MAP2K5: variants seen among roughly 807,000 people sequenced by gnomAD.
MAP2K5 encodes dual specificity mitogen-activated protein kinase kinase 5.
MAP2K5 carries 49 observed loss-of-function variants against 83.1 expected under a neutral mutation model. The ratio of observed to expected loss-of-function variants is 0.59; its 90% CI spans 0.47 to 0.75. The LOEUF (loss-of-function observed/expected upper bound fraction) is 0.75. Among genes scored for constraint, MAP2K5 ranks in the 30% least tolerant of loss-of-function variants. The pLI, the probability that MAP2K5 is intolerant of heterozygous loss-of-function variation, is 0.00. For missense variants in MAP2K5, 457 were observed against 557.5 expected (o/e 0.82, Z 1.82); for synonymous variants, 202 against 191.8 (o/e 1.05, Z -0.44).
At chr15:67,796,771 ATAG>A (rs2090612227) in intron 21 of MAP2K5, among the ~76,000 whole-genome samples, 1 of 152,248 alleles carries the variant, frequency 6.6e-6, no homozygotes, top group Non-Finnish European at 1.5e-5. Context: ...TAAAAAACAA[ATAG>A]TAGCTTAAAC....
chr15:67,672,164 T>C (rs1406881964), intron 13 of MAP2K5, among the ~76,000 whole-genome samples: 1 of 149,148 alleles, frequency 6.7e-6, no homozygotes, highest in East Asian at 2.0e-4. Flanking sequence ...TTATAGTCCT[T>C]TGGGTATATA....
In MAP2K5 at chr15:67,676,725, A is replaced by G. The variant is rs991357521; in HGVS notation, c.847+12080A>G. On this transcript the variant is annotated intron_variant, in intron 13 of 21. Transcript: ENST00000178640. The surrounding 1 kb of genome is among the most constrained non-coding windows in gnomAD (Gnocchi z 4.8). ...TGTTATAATAACCTTGTGAGGAGGT[A>G]TCATTGTATCTCCATTCTTAGGTGA... Among the ~76,000 whole-genome samples, 28 of 152,326 alleles carry G rather than the reference A, an allele frequency of 1.8e-4. No homozygotes were observed. The Middle Eastern group carries it at 0.014, about 74-fold the overall frequency.
At chr15:67,568,316 C>G (rs940703776) in intron 3 of MAP2K5, among the ~76,000 whole-genome samples, 7 of 152,294 alleles carry the variant, frequency 4.6e-5, no homozygotes, top group Middle Eastern at 3.4e-3. Flanking sequence ...GGGAAAAATA[C>G]TTTTTGACCT....
At chr15:67,544,447 C>G (rs1454489176) in intron 1 of MAP2K5, among the ~76,000 whole-genome samples, 1 of 152,154 alleles carries the variant, frequency 6.6e-6, no homozygotes, top group Non-Finnish European at 1.5e-5. Context: ...TTCTTTTTTG[C>G]AGATAGTTAC....
rs1012965905 is a variant in MAP2K5 at position 67,562,937 on chromosome 15, A to C, written c.185-346A>C. 6.6e-6 allele frequency among the ~76,000 whole-genome samples: 1 copy of C among 152,118 alleles called. No homozygotes were observed. Among genetic ancestry groups the C allele is most frequent in the Middle Eastern group, 3.2e-3 (1 of 316 alleles). Reference sequence around the variant, plus strand: ...GGGTATGGTGCTGTTTGGGAGATTTAAAAAGTGTGGATAGTAGAACAAGAC... The same window carrying C: ...GGGTATGGTGCTGTTTGGGAGATTTCAAAAGTGTGGATAGTAGAACAAGAC... On this transcript the variant is annotated intron_variant, in intron 2 of 21. Transcript: ENST00000178640. This position sits in a 1 kb window ranked among gnomAD's most constrained non-coding sequence, Gnocchi z 4.1.
rs748314208 is a variant in MAP2K5 at position 67,727,932 on chromosome 15, TTC to T, written c.1062_1063del (p.Pro355IlefsTer22). 15 of 1,612,406 alleles carry T rather than the reference TTC, an allele frequency of 9.3e-6. No individual in the cohort carries two copies. Among genetic ancestry groups the T allele is most frequent in the Non-Finnish European group, 1.2e-5 (14 of 1,178,546 alleles). The stretch of plus-strand genomic sequence containing the variant: ...CTTTCCCAGCTTGCTCTTGGGAGGT[TTC>T]CATATCCTCAGGTAAGATTGTTCAT... On this transcript the variant is annotated frameshift_variant, in exon 17 of 22. Transcript: ENST00000178640. LOFTEE classifies it high-confidence loss of function.
intron 8 of MAP2K5, chr15:67,629,150 C>A: frequency 1.4e-6 from 1 of 716,688 alleles, no homozygotes; most frequent in Non-Finnish European, 2.6e-6. Flanking sequence ...TGCCAGGAAA[C>A]AAAGCGTAGC....
At chr15:67,805,267 TG>T (rs1440132134) in intron 21 of MAP2K5, among the ~76,000 whole-genome samples, 2 of 152,138 alleles carry the variant, frequency 1.3e-5, no homozygotes, top group African/African-American at 2.4e-5. Flanking sequence ...ATGAGAAGGT[TG>T]GGGGCGGGCA....
chr15:67,658,517 T>G, intron 11 of MAP2K5, 36 bp from the exon 12 acceptor site: 1 of 1,538,898 alleles, frequency 6.5e-7, no homozygotes, highest in Non-Finnish European at 9.0e-7. Context: ...TTCTGGTAAT[T>G]TCATTTGTAG....
At chr15:67,696,587 G>A (rs977772097) in intron 15 of MAP2K5, among the ~76,000 whole-genome samples, 1 of 152,160 alleles carries the variant, frequency 6.6e-6, no homozygotes, top group Admixed American at 6.5e-5. Flanking sequence ...ACTCTATAAT[G>A]TAGATAAGAC....
chr15:67,766,318 A>C (rs773339524), intron 19 of MAP2K5, among the ~76,000 whole-genome samples: 8 of 152,360 alleles, frequency 5.3e-5, no homozygotes, highest in Admixed American at 1.3e-4. Context: ...ACGGAAAAGC[A>C]TCTGGAAGAA....
intron 8 of MAP2K5, among the ~76,000 whole-genome samples, chr15:67,605,622 T>C (rs2085762395): frequency 1.3e-5 from 2 of 152,180 alleles, no homozygotes; most frequent in South Asian, 4.1e-4. Context: ...GGGCTTATCA[T>C]GTGGCCATTC....
rs960486433 is a variant in MAP2K5, at chr15:67,755,061, G to A, written c.1134+6460G>A. Among the ~76,000 whole-genome samples the A allele has an allele frequency of 3.3e-5, 5 of 152,004 alleles. No individual in the cohort carries two copies. The highest frequency in any genetic ancestry group is 3.9e-4 in the East Asian group (2 of 5,188). On this transcript the variant is annotated intron_variant, in intron 19 of 21. Coordinates refer to ENST00000178640, the MANE Select transcript of MAP2K5 (RefSeq NM_145160.3). The surrounding 1 kb of genome is among the most constrained non-coding windows in gnomAD (Gnocchi z 4.7). ...ACAATCTTGGCTCACTGCAACCTCC[G>A]CCTCCTGGGTTCATGCAATCCTCCC...
chr15:67,639,579 T>A (rs1484811475), intron 9 of MAP2K5, among the ~76,000 whole-genome samples: 2 of 152,202 alleles, frequency 1.3e-5, no homozygotes. Context: ...TGCTCTCAGA[T>A]TTGGCTTGCC....
Position 67,769,243 on chromosome 15 carries a change from GAAT to G in MAP2K5, c.1135-355_1135-353del, listed in dbSNP as rs1419768895. Among the ~76,000 whole-genome samples, 9 of 152,194 alleles carry G rather than the reference GAAT, an allele frequency of 5.9e-5. No homozygotes were observed. The East Asian group carries it at 1.7e-3, about 29-fold the overall frequency. ...GTAAAAGAAACAAAGGTCAACACAAGAATAATTTCACAGCTCTTTGTTAATTAC... is the reference window on the plus strand; with the variant it reads ...GTAAAAGAAACAAAGGTCAACACAAGAATTTCACAGCTCTTTGTTAATTAC... On this transcript the variant is annotated intron_variant, in intron 19 of 21. Transcript: ENST00000178640. This position sits in a 1 kb window ranked among gnomAD's most constrained non-coding sequence, Gnocchi z 5.2.
chr15:67,645,822 G>T (rs1237426117), intron 9 of MAP2K5, among the ~76,000 whole-genome samples: 10 of 151,938 alleles, frequency 6.6e-5, no homozygotes, highest in Admixed American at 5.9e-4. Flanking sequence ...CTTCCAGAGT[G>T]CTGGGATTAC....
chr15:67,648,436 C>T (rs1046661946), intron 11 of MAP2K5, among the ~76,000 whole-genome samples: 8 of 152,100 alleles, frequency 5.3e-5, no homozygotes, highest in African/African-American at 1.9e-4. Context: ...AATAACATTT[C>T]GTTGTATGGC....
At chr15:67,632,983 C>T (rs961378835) in intron 9 of MAP2K5, among the ~76,000 whole-genome samples, 19 of 152,178 alleles carry the variant, frequency 1.2e-4, no homozygotes, top group Non-Finnish European at 2.8e-4. Context: ...GACAGTTCAG[C>T]CATTTAGGGT....
In MAP2K5 at chr15:67,769,909, A is replaced by C. The variant is rs527918478; in HGVS notation, c.1196+246A>C. 23 of 392,904 alleles carry C rather than the reference A, an allele frequency of 5.9e-5. No individual in the cohort carries two copies. In the South Asian group the frequency reaches 9.0e-4, roughly 15 times the overall value. The allele number at this position is 392,904 out of a possible 1,614,324, so 24.3% of individuals were successfully genotyped here. On this transcript the variant is annotated intron_variant, in intron 20 of 21. Transcript: ENST00000178640. The surrounding 1 kb of genome is among the most constrained non-coding windows in gnomAD (Gnocchi z 5.2). ...ATTTAATAAACTGCTGAAAGTCATG[A>C]TACTTCTTTAAGCACAAATACTGTT...
Sources: gnomAD v4.1 joint callset for allele counts (sites outside exome capture counted in the v4.1 genomes callset) on GRCh38, gnomAD v4.1.1 for gene constraint, Gnocchi (gnomAD v3.1) non-coding constraint, MANE v1.5 for transcripts, NCBI Gene and HGNC (gene_info 2026-07-23, HGNC 2026-07-21) for gene names.